CADM1: variants seen among roughly 807,000 people sequenced by gnomAD.
CADM1 encodes the protein TSLC-1.
Under a neutral mutation model 53.1 loss-of-function variants are expected in CADM1, and 15 were observed. The ratio of observed to expected loss-of-function variants is 0.28; its 90% CI spans 0.19 to 0.44. The LOEUF is 0.44. Ranked by LOEUF, CADM1 falls within the 20% of genes least tolerant of loss-of-function variation. CADM1 has a pLI of 1.00. For synonymous variants in CADM1, 281 were observed against 243.0 expected, an observed-to-expected ratio of 1.16 and a Z score of -1.45; for missense variants, 434 against 611.3, an observed-to-expected ratio of 0.71 and a Z score of 3.06.
In CADM1 at chr11:115,171,014, C is replaced by T. The variant is rs1391675682; in HGVS notation, c.*5460G>A. On this transcript the variant is annotated 3_prime_UTR_variant, in exon 12 of 12. Transcript: ENST00000331581. Reference sequence around the variant, plus strand: ...CTCTTCTCCCTTTAATCAGCTGATACTTGCTGGGTGACTACTGCGTGCCTG... The same window carrying T: ...CTCTTCTCCCTTTAATCAGCTGATATTTGCTGGGTGACTACTGCGTGCCTG... 1 of 152,228 alleles carries T rather than the reference C, an allele frequency of 6.6e-6. No homozygotes were observed. The highest frequency in any genetic ancestry group is 1.5e-5 in the Non-Finnish European group (1 of 68,060). The allele number at this position is 152,228 out of a possible 1,614,324, so 9.4% of individuals were successfully genotyped here. A position where few individuals can be genotyped will look rare whatever the true frequency, so the allele number is the denominator to read the frequency against.
At chr11:115,298,433 T>C (rs1239725299) in intron 1 of CADM1, among the ~76,000 whole-genome samples, 2 of 152,208 alleles carry the variant, frequency 1.3e-5, no homozygotes, top group African/African-American at 4.8e-5. Context: ...CACTAGATCC[T>C]ATTTTCATGG....
intron 1 of CADM1, among the ~76,000 whole-genome samples, chr11:115,261,144 T>C (rs900431736): frequency 2.0e-5 from 3 of 152,190 alleles, no homozygotes; most frequent in African/African-American, 7.2e-5. Flanking sequence ...ACACCTATTA[T>C]GGGCACAATG....
At chr11:115,497,057 C>G (rs1018916176) in intron 1 of CADM1, among the ~76,000 whole-genome samples, 11 of 152,274 alleles carry the variant, frequency 7.2e-5, no homozygotes, top group Non-Finnish European at 1.0e-4. Context: ...AACTCAATTC[C>G]AACTAGACAC....
In CADM1 at chr11:115,231,345, C is replaced by T. The variant is rs1278762802; in HGVS notation, c.562+8G>A. On this transcript the variant is annotated splice_region_variant and intron_variant, in intron 4 of 11. Coordinates refer to ENST00000331581, the MANE Select transcript of CADM1 (RefSeq NM_001301043.2). ...AACTACTTCAGTGTGTGGCAATCTG[C>T]AGCTTACCTTTTAGCTCTGTGTTCC... The T allele has an allele frequency of 6.2e-7, 1 of 1,614,114 alleles. No individual in the cohort carries two copies. The highest frequency in any genetic ancestry group is 8.5e-7 in the Non-Finnish European group (1 of 1,179,960).
chr11:115,186,434 C>CG (rs1939553987), intron 10 of CADM1, among the ~76,000 whole-genome samples: 1 of 152,246 alleles, frequency 6.6e-6, no homozygotes, highest in African/African-American at 2.4e-5. Flanking sequence ...CCTCATTCCC[C>CG]GGGTGCGCAC....
At chr11:115,278,394 G>A (rs1484343139) in intron 1 of CADM1, among the ~76,000 whole-genome samples, 1 of 152,130 alleles carries the variant, frequency 6.6e-6, no homozygotes, top group East Asian at 1.9e-4. Context: ...GATAAGAAAG[G>A]TCTTCATATA....
At chr11:115,373,091 A>G (rs373289612) in intron 1 of CADM1, among the ~76,000 whole-genome samples, 3 of 152,210 alleles carry the variant, frequency 2.0e-5, no homozygotes, top group South Asian at 4.1e-4. Flanking sequence ...GCTCAAAGCA[A>G]TGAGGGAGGA....
chr11:115,327,729 A>C (rs1409569607), intron 1 of CADM1, among the ~76,000 whole-genome samples: 1 of 152,160 alleles, frequency 6.6e-6, no homozygotes, highest in Admixed American at 6.6e-5. Context: ...TCATGTGACC[A>C]AGCCTCAGTG....
intron 1 of CADM1, among the ~76,000 whole-genome samples, chr11:115,324,668 C>T (rs561371368): frequency 6.6e-6 from 1 of 152,220 alleles, no homozygotes; most frequent in South Asian, 2.1e-4. Context: ...ATATGATGAA[C>T]AAGTGATAAA....
intron 5 of CADM1, among the ~76,000 whole-genome samples, chr11:115,220,089 T>G (rs1308436936): frequency 6.6e-6 from 1 of 152,162 alleles, no homozygotes; most frequent in Non-Finnish European, 1.5e-5. Context: ...ACGTTTTTCA[T>G]GCACTGCTGA....
intron 1 of CADM1, 129 bp from the exon 2 acceptor site, chr11:115,240,549 A>T: frequency 1.1e-6 from 1 of 922,882 alleles, no homozygotes; most frequent in Non-Finnish European, 1.7e-6. Flanking sequence ...GCATGGCTCT[A>T]ATACCTTTCT....
intron 1 of CADM1, among the ~76,000 whole-genome samples, chr11:115,271,355 T>G (rs1943292946): frequency 6.6e-6 from 1 of 152,180 alleles, no homozygotes; most frequent in African/African-American, 2.4e-5. Context: ...CCATCTCGGC[T>G]CACTGCAAGC....
At chr11:115,252,510 A>G (rs1269113675) in intron 1 of CADM1, among the ~76,000 whole-genome samples, 1 of 152,236 alleles carries the variant, frequency 6.6e-6, no homozygotes, top group Admixed American at 6.5e-5. Flanking sequence ...TTTATATTGA[A>G]TTGCAAATTA....
intron 1 of CADM1, among the ~76,000 whole-genome samples, chr11:115,414,579 T>C (rs1947544796): frequency 6.6e-6 from 1 of 152,202 alleles, no homozygotes; most frequent in South Asian, 2.1e-4. Context: ...ATGAAAGTGA[T>C]GATAAGACAG....
chr11:115,186,655 C>T lies in CADM1; in HGVS notation c.1165+4233G>A, dbSNP rs146399764. On this transcript the variant is annotated intron_variant, in intron 10 of 11. Transcript: ENST00000331581. ...TCATTTATAAATGGAGACCAAGAGC[C>T]CTTCCTTAACAATCTCAGGAGATTT... Among the ~76,000 whole-genome samples the T allele has an allele frequency of 4.4e-3, 669 of 152,208 alleles. 2 individuals are homozygous for T. The highest frequency in any genetic ancestry group is 6.8e-3 in the Non-Finnish European group (465 of 67,996).
intron 1 of CADM1, among the ~76,000 whole-genome samples, chr11:115,477,135 T>A (rs1253530720): frequency 6.6e-6 from 1 of 151,652 alleles, no homozygotes; most frequent in Admixed American, 6.6e-5. Context: ...CAGGATATAG[T>A]GGATAGGTTT....
intron 1 of CADM1, among the ~76,000 whole-genome samples, chr11:115,347,366 T>C (rs1449794058): frequency 6.6e-6 from 1 of 152,106 alleles, no homozygotes; most frequent in Admixed American, 6.5e-5. Flanking sequence ...CAATATGTTG[T>C]TTTCATCTCC....
In CADM1 at chr11:115,348,864, A is replaced by G. The variant is rs55992599; in HGVS notation, c.125-108444T>C. Reference sequence around the variant, plus strand: ...AGGGTCATCTGGGCAATTTAACTACATCGGGAAGGGTCATGGGCCTCTGAA... The same window carrying G: ...AGGGTCATCTGGGCAATTTAACTACGTCGGGAAGGGTCATGGGCCTCTGAA... On this transcript the variant is annotated intron_variant, in intron 1 of 11. Coordinates refer to ENST00000331581, the MANE Select transcript of CADM1 (RefSeq NM_001301043.2). Among the ~76,000 whole-genome samples, 1,449 of 152,246 alleles carry G rather than the reference A, an allele frequency of 9.5e-3. 26 individuals carry two copies. The highest frequency in any genetic ancestry group is 0.032 in the African/African-American group (1,330 of 41,548).
intron 1 of CADM1, among the ~76,000 whole-genome samples, chr11:115,467,468 A>G (rs1219022079): frequency 6.6e-6 from 1 of 152,248 alleles, no homozygotes; most frequent in Non-Finnish European, 1.5e-5. Flanking sequence ...TGACCACAAC[A>G]GTTTCACAAA....
Sources: gnomAD v4.1 joint callset for allele counts (sites outside exome capture counted in the v4.1 genomes callset) on GRCh38, gnomAD v4.1.1 for gene constraint, MANE v1.5 for transcripts, NCBI Gene and HGNC (gene_info 2026-07-23, HGNC 2026-07-21) for gene names.